SBNO2: variants seen among roughly 807,000 people sequenced by gnomAD.
The protein encoded by SBNO2 is strawberry notch homolog 2.
A neutral mutation model predicts 146.3 loss-of-function variants in SBNO2; 89 were observed. That is an observed-to-expected ratio of 0.61 (90% CI 0.51 to 0.73). The LOEUF (loss-of-function observed/expected upper bound fraction) is 0.73. Ranked by LOEUF, SBNO2 falls within the 30% of genes least tolerant of loss-of-function variation. The probability of loss-of-function intolerance (pLI) is 0.00; values close to 1 mark genes in which losing one functional copy is unlikely to be tolerated. For missense variants in SBNO2, 2,092 were observed against 2,003.7 expected (o/e 1.04, Z -0.84); for synonymous variants, 1,147 against 892.6 (o/e 1.29, Z -5.08).
chr19:1,163,321 G>A (rs1224318293), intron 1 of SBNO2, among the ~76,000 whole-genome samples: 1 of 152,240 alleles, frequency 6.6e-6, no homozygotes, highest in East Asian at 1.9e-4. Flanking sequence ...CTGGAGTGAC[G>A]CGGCCGCAGA....
rs759308193 is a variant in SBNO2 at position 1,119,616 on chromosome 19, A to T, written c.1273T>A (p.Ser425Thr). 2.5e-6 allele frequency: 4 copies of T among 1,606,752 alleles called. No homozygotes were observed. The highest frequency in any genetic ancestry group is 2.2e-5 in the South Asian group (2 of 89,882). ...RVVYASATGA[S>T]EPRNMIYMSR... ...ATGTAGATCATGTTCCGAGGCTCAGAGGCACCTGTGGGGGGAAGCTGCCGT... is the reference window on the plus strand; with the variant it reads ...ATGTAGATCATGTTCCGAGGCTCAGTGGCACCTGTGGGGGGAAGCTGCCGT... Residue 425 changes from serine to threonine, a missense_variant, in exon 13 of 32, where the codon TCT becomes ACT. By Grantham distance (58) the Ser-to-Thr change is moderately conservative. Coordinates refer to ENST00000361757, the MANE Select transcript of SBNO2 (RefSeq NM_014963.3).
rs767608646 is a variant in SBNO2 at position 1,147,433 on chromosome 19, G to C, written c.168-13C>G. 0.19 allele frequency: 89,239 copies of C among 466,038 alleles called. 5,418 individuals are homozygous for C. Among genetic ancestry groups the C allele is most frequent in the South Asian group, 0.26 (6,249 of 23,994 alleles). The allele number at this position is 466,038 out of a possible 1,614,324, so 28.9% of individuals were successfully genotyped here. A position where few individuals can be genotyped will look rare whatever the true frequency, so the allele number is the denominator to read the frequency against. ...GCTCATGAACGGGCTGGAGGGAGAT[G>C]GGGGGGGGGGAGGTGAGATGGGGTG... is the stretch of plus-strand genomic sequence containing the variant. On this transcript the variant is annotated splice_polypyrimidine_tract_variant and intron_variant, in intron 3 of 31. Coordinates refer to ENST00000361757, the MANE Select transcript of SBNO2 (RefSeq NM_014963.3).
Position 1,112,702 on chromosome 19 carries a change from G to A in SBNO2, c.2379+116C>T, listed in dbSNP as rs1420196625. 4.2e-6 allele frequency: 6 copies of A among 1,443,926 alleles called. No homozygotes were observed. In the African/African-American group the frequency reaches 5.7e-5, roughly 14 times the overall value. The allele number at this position is 1,443,926 out of a possible 1,614,324, so 89.4% of individuals were successfully genotyped here. ...ACCCGCCACACGGCCACTCGCGCCC[G>A]CACCTGGCACACACACACTCCAGAA... On this transcript the variant is annotated intron_variant, in intron 20 of 31. Transcript: ENST00000361757. The surrounding 1 kb of genome is among the most constrained non-coding windows in gnomAD (Gnocchi z 5.9).
At chr19:1,171,159 G>A (rs1029840685) in intron 1 of SBNO2, among the ~76,000 whole-genome samples, 3 of 151,178 alleles carry the variant, frequency 2.0e-5, no homozygotes, top group Non-Finnish European at 2.9e-5. Context: ...TAAAACACAC[G>A]CGTATGAAAC....
chr19:1,118,119 T>A (rs372604122), intron 14 of SBNO2, among the ~76,000 whole-genome samples: 79 of 152,280 alleles, frequency 5.2e-4, no homozygotes, highest in African/African-American at 1.8e-3. Context: ...TCAGATCGCC[T>A]GAGCTCAGGA....
In SBNO2 at chr19:1,112,998, A is replaced by G. The variant is rs567129726; in HGVS notation, c.2248-49T>C. 167 of 1,515,154 alleles carry G rather than the reference A, an allele frequency of 1.1e-4. No homozygotes were observed. Among genetic ancestry groups the G allele is most frequent in the Middle Eastern group, 1.7e-4 (1 of 5,876 alleles). The allele number at this position is 1,515,154 out of a possible 1,614,324, so 93.9% of individuals were successfully genotyped here. A position where few individuals can be genotyped will look rare whatever the true frequency, so the allele number is the denominator to read the frequency against. The stretch of plus-strand genomic sequence containing the variant: ...CCGGCCGTCAGTGTTGTGGCCTCGC[A>G]GGAGTCTGGCCACCCGTGTCTCAGC... On this transcript the variant is annotated intron_variant, in intron 19 of 31. Coordinates refer to ENST00000361757, the MANE Select transcript of SBNO2 (RefSeq NM_014963.3). This position sits in a 1 kb window ranked among gnomAD's most constrained non-coding sequence, Gnocchi z 5.9.
chr19:1,154,461 C>T (rs1173965010), intron 1 of SBNO2, 59 bp from the exon 2 acceptor site: 12 of 386,682 alleles, frequency 3.1e-5, no homozygotes, highest in African/African-American at 6.2e-5. Context: ...TGGTGCTCCC[C>T]GGCCGCCTCT....
Position 1,109,576 on chromosome 19 carries a change from T to C in SBNO2, c.3146A>G (p.Lys1049Arg), listed in dbSNP as rs753705133. The change falls in exon 28 of 32, where the codon AAG becomes AGG. Residue 1049 changes from lysine to arginine, a missense_variant. Physicochemically the swap from Lys to Arg is conservative, Grantham distance 26 (BLOSUM62 2). Coordinates refer to ENST00000361757, the MANE Select transcript of SBNO2 (RefSeq NM_014963.3). The surrounding 1 kb of genome is among the most constrained non-coding windows in gnomAD (Gnocchi z 4.2). ...CGACTTGGCAAAGGCGTCCTCCCACTTCAGGCCGCGGTCCACGCTGATCTG... is the reference window on the plus strand; with the variant it reads ...CGACTTGGCAAAGGCGTCCTCCCACCTCAGGCCGCGGTCCACGCTGATCTG... ...FYKISVDRGL[K>R]WEDAFAKSLA... 2 of 1,594,162 alleles carry C rather than the reference T, an allele frequency of 1.3e-6. No individual in the cohort carries two copies. The highest frequency in any genetic ancestry group is 1.7e-6 in the Non-Finnish European group (2 of 1,171,944).
chr19:1,165,873 G>A (rs62650646), intron 1 of SBNO2, among the ~76,000 whole-genome samples: 29 of 56,036 alleles, frequency 5.2e-4, no homozygotes, highest in African/African-American at 1.3e-3. Flanking sequence ...CCAGACCCCA[G>A]ACCCCAGATC....
intron 4 of SBNO2, among the ~76,000 whole-genome samples, chr19:1,143,130 T>C (rs2080156298): frequency 6.6e-6 from 1 of 152,196 alleles, no homozygotes; most frequent in Admixed American, 6.5e-5. Context: ...ACACGATGGC[T>C]TTGAACGGTG....
Position 1,144,242 on chromosome 19 carries a change from C to A in SBNO2, c.279+3067G>T, listed in dbSNP as rs950071372. ...CAGGACTGAGCTGACCCACACCCGT[C>A]CCATCCCACACTCAGCACTGGGGGA... On this transcript the variant is annotated intron_variant, in intron 4 of 31. Coordinates refer to ENST00000361757, the MANE Select transcript of SBNO2 (RefSeq NM_014963.3). This position sits in a 1 kb window ranked among gnomAD's most constrained non-coding sequence, Gnocchi z 4.1. 6.6e-6 allele frequency among the ~76,000 whole-genome samples: 1 copy of A among 152,172 alleles called. No individual in the cohort carries two copies. The highest frequency in any genetic ancestry group is 1.5e-5 in the Non-Finnish European group (1 of 68,028).
Position 1,108,698 on chromosome 19 carries a change from T to C in SBNO2, c.3623A>G (p.Lys1208Arg). 1 of 1,550,380 alleles carries C rather than the reference T, an allele frequency of 6.5e-7. No individual in the cohort carries two copies. The highest frequency in any genetic ancestry group is 8.6e-7 in the Non-Finnish European group (1 of 1,156,634). The change falls in exon 32 of 32, where the codon AAG becomes AGG. Residue 1208 changes from lysine (K) to arginine (R), a missense_variant. Coordinates refer to ENST00000361757, the MANE Select transcript of SBNO2 (RefSeq NM_014963.3). ...CCGGCGCACGCAGCCCTCGGGGATC[T>C]TGATGCCTGCGGGCAGAGCGTCGGG... ...TKDRKKQVGIKIPEGCVRRVL... is the reference protein window; with the variant it reads ...TKDRKKQVGIRIPEGCVRRVL...
chr19:1,147,262 G>T, intron 4 of SBNO2, 47 bp downstream of exon 4: 2 of 1,318,854 alleles, frequency 1.5e-6, no homozygotes, highest in Non-Finnish European at 2.1e-6. Context: ...GGGCGGCCCA[G>T]ACTCCACCCT....
chr19:1,114,456 C>T lies in SBNO2; in HGVS notation c.1886-34G>A, dbSNP rs773160597. On this transcript the variant is annotated intron_variant, in intron 17 of 31. Coordinates refer to ENST00000361757, the MANE Select transcript of SBNO2 (RefSeq NM_014963.3). ...AAGGACAGGGTCACCGAGGGCCAGA[C>T]CGCAGCAAGGTGGAGGAGCAGGTGG... 7 of 1,478,726 alleles carry T rather than the reference C, an allele frequency of 4.7e-6. No homozygotes were observed. The East Asian group carries it at 1.0e-4, about 21-fold the overall frequency. 91.6% of individuals were successfully genotyped at this position (1,478,726 alleles called of 1,614,324 possible).
intron 11 of SBNO2, 38 bp from the exon 12 acceptor site, chr19:1,120,061 G>C: frequency 6.6e-7 from 1 of 1,510,930 alleles, no homozygotes; most frequent in Non-Finnish European, 9.0e-7. Flanking sequence ...TCTGAAGGAC[G>C]GGGGCGACCC....
At chr19:1,156,782 A>G (rs566384834) in intron 1 of SBNO2, among the ~76,000 whole-genome samples, 3 of 152,078 alleles carry the variant, frequency 2.0e-5, no homozygotes, top group Non-Finnish European at 4.4e-5. Context: ...TGCACTGTCC[A>G]GGACGGGCCC....
Position 1,173,475 on chromosome 19 carries a change from G to A in SBNO2, c.-127+697C>T, listed in dbSNP as rs958866101. Among the ~76,000 whole-genome samples, 2 of 152,214 alleles carry A rather than the reference G, an allele frequency of 1.3e-5. No homozygotes were observed. Among genetic ancestry groups the A allele is most frequent in the African/African-American group, 2.4e-5 (1 of 41,452 alleles). On this transcript the variant is annotated intron_variant, in intron 1 of 31. Transcript: ENST00000361757. The surrounding 1 kb of genome is among the most constrained non-coding windows in gnomAD (Gnocchi z 4.7). ...AACCGAAAAACCATCTGCCCCAGAA[G>A]AGAAGTCGGAGGCCCCAGGAGCGGG...
chr19:1,122,342 G>A, intron 10 of SBNO2, 60 bp from the exon 11 acceptor site: 2 of 1,515,816 alleles, frequency 1.3e-6, no homozygotes, highest in Non-Finnish European at 8.9e-7. Flanking sequence ...CTGGACCTGG[G>A]TCTCCCTATC....
chr19:1,167,151 A>G (rs2080433638), intron 1 of SBNO2, among the ~76,000 whole-genome samples: 1 of 152,256 alleles, frequency 6.6e-6, no homozygotes, highest in Non-Finnish European at 1.5e-5. Context: ...TGACTGCTGG[A>G]GCTACGCACC....
Sources: allele counts gnomAD v4.1 joint callset (sites outside exome capture counted in the v4.1 genomes callset), GRCh38; gene constraint gnomAD v4.1.1; non-coding constraint Gnocchi (gnomAD v3.1); transcripts MANE v1.5; gene names NCBI Gene and HGNC (gene_info 2026-07-23, HGNC 2026-07-21).